Variants in TENM2 observed in about 807,000 individuals in gnomAD.
The protein encoded by TENM2 is teneurin transmembrane protein 2.
A neutral mutation model predicts 245.2 loss-of-function variants in TENM2; 52 were observed. The ratio of observed to expected loss-of-function variants is 0.21; its 90% CI spans 0.17 to 0.27. The LOEUF (loss-of-function observed/expected upper bound fraction) is 0.27. TENM2 is among the 10% of genes least tolerant of loss of function. TENM2 has a pLI of 1.00. For synonymous variants in TENM2, 1,363 were observed against 1,438.9 expected, an observed-to-expected ratio of 0.95 and a Z score of 1.19; for missense variants, 3,046 against 3,666.8, an observed-to-expected ratio of 0.83 and a Z score of 4.37.
intron 3 of TENM2, among the ~76,000 whole-genome samples, chr5:167,949,822 G>A (rs1779936220): frequency 2.0e-5 from 3 of 152,012 alleles, no homozygotes; most frequent in African/African-American, 7.2e-5. Context: ...ACTCTGTATT[G>A]TAATTGTCTT....
intron 2 of TENM2, among the ~76,000 whole-genome samples, chr5:167,640,429 C>G (rs1053113975): frequency 4.6e-5 from 7 of 151,914 alleles, no homozygotes; most frequent in African/African-American, 1.7e-4. Flanking sequence ...ACCAGCCTGG[C>G]CAACATGGCA....
chr5:167,617,701 G>A (rs1472068762), intron 2 of TENM2, among the ~76,000 whole-genome samples: 1 of 152,094 alleles, frequency 6.6e-6, no homozygotes, highest in African/African-American at 2.4e-5. Context: ...TGTAGCCAGC[G>A]AGCCTAATGC....
In TENM2 at chr5:167,831,500, T is replaced by TTG. The variant is rs538083531; in HGVS notation, c.503-44485_503-44484insGT. ...GAGTTCAGCACTTTTTTTTTTTTTT[T>TTG]TTTTTTAAGAATACTGCAGCCTTTC... is the stretch of plus-strand genomic sequence containing the variant. On this transcript the variant is annotated intron_variant, in intron 2 of 28. Coordinates refer to ENST00000518659, the Ensembl canonical transcript of TENM2. Among the ~76,000 whole-genome samples, 17 of 151,396 alleles carry TTG rather than the reference T, an allele frequency of 1.1e-4. No individual in the cohort carries two copies. The South Asian group carries it at 3.4e-3, about 30-fold the overall frequency.
At chr5:167,925,826 CA>C (rs1214588194) in intron 3 of TENM2, among the ~76,000 whole-genome samples, 2 of 152,170 alleles carry the variant, frequency 1.3e-5, no homozygotes, top group African/African-American at 4.8e-5. Context: ...AGCTGAAGGC[CA>C]TTATCCTTGG....
intron 1 of TENM2, among the ~76,000 whole-genome samples, chr5:167,315,332 A>G (rs962895666): frequency 3.3e-5 from 5 of 152,136 alleles, no homozygotes; most frequent in Admixed American, 3.3e-4. Flanking sequence ...TTGTTAACTT[A>G]TGTTTAAACA....
At chr5:167,371,353 C>CT (rs1760421036) in intron 1 of TENM2, among the ~76,000 whole-genome samples, 25 of 118,038 alleles carry the variant, frequency 2.1e-4, no homozygotes, top group African/African-American at 5.9e-4. Context: ...TTTTTTCTTT[C>CT]TTTTCTTTTT....
At chr5:167,875,965 C>A in intron 2 of TENM2, 21 bp from the exon 5 acceptor site, 1 of 1,536,356 alleles carries the variant, frequency 6.5e-7, no homozygotes. Flanking sequence ...TGACCTTTGA[C>A]CCCTCTGTCC....
At chr5:167,412,878 CAAAA>C (rs35434897) in intron 2 of TENM2, among the ~76,000 whole-genome samples, 1 of 137,416 alleles carries the variant, frequency 7.3e-6, no homozygotes, top group Non-Finnish European at 1.6e-5. Context: ...TCATCGAAAG[CAAAA>C]AAAAAAAAAA....
chr5:168,235,086 G>A (rs754129981), intron 25 of TENM2, among the ~76,000 whole-genome samples: 3 of 152,168 alleles, frequency 2.0e-5, no homozygotes, highest in Non-Finnish European at 4.4e-5. Flanking sequence ...TCAGTTCTGC[G>A]TGGAGCCCAC....
chr5:167,903,532 T>A (rs945986543), intron 3 of TENM2, among the ~76,000 whole-genome samples: 1 of 13,724 alleles, frequency 7.3e-5, no homozygotes, highest in Non-Finnish European at 1.6e-4. Flanking sequence ...GTGGCTGGGG[T>A]GGGGGTGGAG....
chr5:167,700,138 AG>A (rs1758043217), intron 2 of TENM2, among the ~76,000 whole-genome samples: 2 of 152,218 alleles, frequency 1.3e-5, no homozygotes, highest in South Asian at 4.1e-4. Context: ...AAGATAGAAC[AG>A]GCTTAAAGAG....
At chr5:167,110,333 T>C in the TENM2 span, among the ~76,000 whole-genome samples, 1 of 152,170 alleles carries the variant, frequency 6.6e-6, no homozygotes, top group East Asian at 1.9e-4. Context: ...CATGCTCCTC[T>C]AGCAAAGACA....
the TENM2 span, among the ~76,000 whole-genome samples, chr5:167,010,099 A>G: frequency 6.6e-6 from 1 of 152,096 alleles, no homozygotes; most frequent in Admixed American, 6.6e-5. Context: ...TACAAAGGAA[A>G]GGCTGGGCGT....
the TENM2 span, among the ~76,000 whole-genome samples, chr5:167,158,385 A>G: frequency 6.6e-6 from 1 of 152,052 alleles, no homozygotes; most frequent in Non-Finnish European, 1.5e-5. Context: ...ATCTTATATG[A>G]TCTCTTTCTT....
At chr5:167,119,157 A>AATTAGTT in the TENM2 span, among the ~76,000 whole-genome samples, 1 of 152,248 alleles carries the variant, frequency 6.6e-6, no homozygotes, top group African/African-American at 2.4e-5. Flanking sequence ...TACTTATTTC[A>AATTAGTT]AATACAGATA....
At chr5:167,307,820 A>G (rs960850819) in intron 1 of TENM2, 2 of 152,238 alleles carry the variant, frequency 1.3e-5, no homozygotes, top group African/African-American at 2.4e-5. Context: ...GCTCTCCAGT[A>G]TCCATACAAT....
At chr5:167,564,395 G>T (rs1022514197) in intron 2 of TENM2, among the ~76,000 whole-genome samples, 23 of 152,192 alleles carry the variant, frequency 1.5e-4, no homozygotes, top group African/African-American at 5.5e-4. Flanking sequence ...GGCAGAGCAT[G>T]TCAAGTCTTT....
intron 2 of TENM2, among the ~76,000 whole-genome samples, chr5:167,706,078 G>C (rs1758498914): frequency 7.0e-6 from 1 of 142,930 alleles, no homozygotes; most frequent in South Asian, 2.2e-4. Context: ...TAGATATACA[G>C]TGTGTGTATA....
At chr5:167,144,677 C>T in the TENM2 span, among the ~76,000 whole-genome samples, 21 of 152,054 alleles carry the variant, frequency 1.4e-4, no homozygotes, top group Non-Finnish European at 3.1e-4. Context: ...GCTTGTTAGC[C>T]CGTGCCCATT....
Sources: allele counts gnomAD v4.1 joint callset (sites outside exome capture counted in the v4.1 genomes callset), GRCh38; gene constraint gnomAD v4.1.1; transcripts MANE v1.5; gene names NCBI Gene and HGNC (gene_info 2026-07-23, HGNC 2026-07-21).